NTM: variants seen among roughly 807,000 people sequenced by gnomAD.
NTM encodes the protein neurotrimin.
In NTM, 13 loss-of-function variants were observed where a neutral mutation model predicts 42.1. The observed-to-expected ratio is 0.31, with a 90% CI of 0.20 to 0.49. The LOEUF (loss-of-function observed/expected upper bound fraction) is 0.49, where lower values mean the gene tolerates loss of function less well. NTM is among the 20% of genes least tolerant of loss of function. The probability of loss-of-function intolerance (pLI) is 0.99; values close to 1 mark genes in which losing one functional copy is unlikely to be tolerated. For missense variants in NTM, 373 were observed against 452.8 expected (o/e 0.82, Z 1.60); for synonymous variants, 187 against 179.2 (o/e 1.04, Z -0.35).
chr11:132,186,092 C>T (rs7123193), intron 3 of NTM, among the ~76,000 whole-genome samples: 18,040 of 152,180 alleles, frequency 0.12, 1,343 homozygotes, highest in East Asian at 0.25. Flanking sequence ...CCCAGGCTTT[C>T]GGGAAGCCCA....
intron 1 of NTM, among the ~76,000 whole-genome samples, chr11:131,740,975 A>G (rs2081106202): frequency 6.6e-6 from 1 of 152,006 alleles, no homozygotes; most frequent in Non-Finnish European, 1.5e-5. Flanking sequence ...GACTAGCCCG[A>G]CCAACATGGT....
At chr11:131,892,371 G>A (rs1013502649) in intron 1 of NTM, among the ~76,000 whole-genome samples, 3 of 152,208 alleles carry the variant, frequency 2.0e-5, no homozygotes, top group Non-Finnish European at 4.4e-5. Context: ...ATTCTCAAAA[G>A]TTTATCAACC....
intron 4 of NTM, among the ~76,000 whole-genome samples, chr11:132,214,149 G>A (rs981410250): frequency 5.3e-5 from 8 of 152,160 alleles, no homozygotes; most frequent in Non-Finnish European, 1.2e-4. Flanking sequence ...AAATCAGGGA[G>A]GAAGCTTCAG....
At chr11:131,744,736 T>G (rs2081593476) in intron 1 of NTM, among the ~76,000 whole-genome samples, 1 of 152,160 alleles carries the variant, frequency 6.6e-6, no homozygotes, top group South Asian at 2.1e-4. Flanking sequence ...ATACTTACCC[T>G]CAAACCCAGT....
Position 131,803,334 on chromosome 11 carries a change from C to T in NTM, c.83-108230C>T, listed in dbSNP as rs535008383. Among the ~76,000 whole-genome samples the T allele has an allele frequency of 4.0e-5, 6 of 151,458 alleles. No homozygotes were observed. The East Asian group carries it at 1.2e-3, about 30-fold the overall frequency. ...TTTTTCTTTCTTTTTCAGAGTCTCA[C>T]TCTGTCGCCAGGCTGGAGTGCTGGA... On this transcript the variant is annotated intron_variant, in intron 1 of 8. Coordinates refer to ENST00000683400, the MANE Select transcript of NTM (RefSeq NM_001352005.2).
At chr11:131,709,801 C>T (rs564726669) in intron 1 of NTM, among the ~76,000 whole-genome samples, 5 of 152,082 alleles carry the variant, frequency 3.3e-5, no homozygotes, top group Non-Finnish European at 7.4e-5. Flanking sequence ...AAAGAGAGTT[C>T]GCCCAAGGTG....
chr11:131,831,476 C>A (rs2042809811), intron 1 of NTM, among the ~76,000 whole-genome samples: 1 of 152,142 alleles, frequency 6.6e-6, no homozygotes, highest in African/African-American at 2.4e-5. Flanking sequence ...CGTCCACACA[C>A]CAGAACCAGG....
Position 132,310,173 on chromosome 11 carries a change from G to A in NTM, c.723G>A (p.Leu241=), listed in dbSNP as rs2095239194. 6.2e-7 allele frequency: 1 copy of A among 1,611,330 alleles called. No individual in the cohort carries two copies. Among genetic ancestry groups the A allele is most frequent in the Non-Finnish European group, 8.5e-7 (1 of 1,178,874 alleles). The part of the protein sequence containing the change: ...TGVPVGQKGT[L]QCEASAVPSA... ...TCCCCGTGGGACAAAAGGGGACACT[G>A]CAGTGTGAAGCCTCAGCAGTCCCCT... The change falls in exon 6 of 9, where the codon CTG becomes CTA. Residue 241 remains leucine, a synonymous_variant. Coordinates refer to ENST00000683400, the MANE Select transcript of NTM (RefSeq NM_001352005.2).
At chr11:131,457,623 C>T (rs11222635) in intron 1 of NTM, among the ~76,000 whole-genome samples, 9,195 of 151,982 alleles carry the variant, frequency 0.061, 646 homozygotes, top group East Asian at 0.21. Context: ...AAAACGGATA[C>T]GTTAAGTAGG....
At chr11:131,576,023 T>C (rs945632107) in intron 1 of NTM, among the ~76,000 whole-genome samples, 4 of 152,150 alleles carry the variant, frequency 2.6e-5, no homozygotes, top group African/African-American at 9.7e-5. Context: ...CAATAGGCAA[T>C]AGAAATATAT....
chr11:131,946,484 A>G (rs538063297), intron 2 of NTM, among the ~76,000 whole-genome samples: 1 of 152,330 alleles, frequency 6.6e-6, no homozygotes, highest in African/African-American at 2.4e-5. Context: ...TTGTTAAGAC[A>G]AAATAAAAAG....
intron 2 of NTM, among the ~76,000 whole-genome samples, chr11:132,079,615 A>AT (rs1301665069): frequency 6.6e-6 from 1 of 152,044 alleles, no homozygotes; most frequent in Non-Finnish European, 1.5e-5. Context: ...AAGTATGCCC[A>AT]TTTTTTCTAA....
At chr11:131,628,698 G>A (rs2063359471) in intron 1 of NTM, among the ~76,000 whole-genome samples, 1 of 152,246 alleles carries the variant, frequency 6.6e-6, no homozygotes, top group East Asian at 1.9e-4. Flanking sequence ...AGGAGTATTG[G>A]TGGTGCCTCC....
At chr11:132,264,608 C>T (rs193036149) in intron 4 of NTM, among the ~76,000 whole-genome samples, 4 of 151,924 alleles carry the variant, frequency 2.6e-5, no homozygotes, top group African/African-American at 4.8e-5. Flanking sequence ...TGTATATTTG[C>T]ATAAACCATC....
intron 1 of NTM, among the ~76,000 whole-genome samples, chr11:131,860,363 T>C (rs2046509164): frequency 6.6e-6 from 1 of 152,120 alleles, no homozygotes; most frequent in Non-Finnish European, 1.5e-5. Context: ...AAGGAACCCA[T>C]GTGAGACTTT....
At chr11:132,207,553 C>T (rs749129520) in intron 3 of NTM, among the ~76,000 whole-genome samples, 2 of 152,070 alleles carry the variant, frequency 1.3e-5, no homozygotes, top group Non-Finnish European at 2.9e-5. Context: ...CTTGAATCAT[C>T]CTGAAACCAT....
intron 1 of NTM, among the ~76,000 whole-genome samples, chr11:131,829,815 C>CT (rs1224338335): frequency 1.3e-5 from 2 of 152,026 alleles, no homozygotes; most frequent in Non-Finnish European, 2.9e-5. Context: ...TAAGCATTCC[C>CT]TTTTTTCTGC....
intron 3 of NTM, 98 bp from the exon 4 acceptor site, chr11:132,211,924 A>T (rs1349467109): frequency 1.8e-6 from 2 of 1,135,662 alleles, no homozygotes; most frequent in African/African-American, 3.2e-5. Flanking sequence ...TGTAGTCCAT[A>T]TATTTTACTC....
intron 2 of NTM, among the ~76,000 whole-genome samples, chr11:132,117,654 G>A (rs755642655): frequency 2.6e-5 from 4 of 152,160 alleles, no homozygotes; most frequent in Non-Finnish European, 4.4e-5. Flanking sequence ...CATACTTCCT[G>A]TTGTCCACAC....
Sources: gnomAD v4.1 joint callset for allele counts (sites outside exome capture counted in the v4.1 genomes callset) on GRCh38, gnomAD v4.1.1 for gene constraint, MANE v1.5 for transcripts, NCBI Gene and HGNC (gene_info 2026-07-23, HGNC 2026-07-21) for gene names.